The following POM121 variants were observed in gnomAD, a reference collection of about 807,000 sequenced individuals.
POM121 encodes the protein POM121 transmembrane nucleoporin.
POM121 carries 32 observed loss-of-function variants against 81.3 expected under a neutral mutation model. The ratio of observed to expected loss-of-function variants is 0.39; its 90% CI spans 0.30 to 0.53. The LOEUF (loss-of-function observed/expected upper bound fraction) is 0.53. Among genes scored for constraint, POM121 ranks in the 20% least tolerant of loss-of-function variants. The pLI is 0.66. For synonymous variants in POM121, 514 were observed against 694.2 expected (o/e 0.74, Z 4.08); for missense variants, 1,138 against 1,614.6 (o/e 0.70, Z 5.06).
At chr7:72,888,009 C>G (rs1304872216) in intron 1 of POM121, among the ~76,000 whole-genome samples, 2 of 152,242 alleles carry the variant, frequency 1.3e-5, no homozygotes, top group Admixed American at 6.5e-5. Context: ...ATGTCTCTGT[C>G]TATATGTTTT....
intron 1 of POM121, among the ~76,000 whole-genome samples, chr7:72,881,105 C>A (rs1368360590): frequency 7.1e-6 from 1 of 140,386 alleles, no homozygotes; most frequent in African/African-American, 2.6e-5. Context: ...GTGTCTCTCA[C>A]CCAGTCTGGA....
At chr7:72,929,694 T>C (rs1324082000) in intron 4 of POM121, among the ~76,000 whole-genome samples, 2 of 152,178 alleles carry the variant, frequency 1.3e-5, no homozygotes, top group Non-Finnish European at 2.9e-5. Context: ...TGATCTGTCT[T>C]CTGTCACTGT....
At chr7:72,898,195 G>A (rs538709678) in intron 3 of POM121, among the ~76,000 whole-genome samples, 2 of 152,144 alleles carry the variant, frequency 1.3e-5, no homozygotes, top group South Asian at 4.1e-4. Context: ...GTGGGAGAGT[G>A]CGAAATTGGG....
chr7:72,888,399 G>A (rs191386500), intron 1 of POM121, among the ~76,000 whole-genome samples: 9 of 152,110 alleles, frequency 5.9e-5, no homozygotes, highest in African/African-American at 1.9e-4. Context: ...TAGTAGAGAT[G>A]GGGTTTCACC....
At chr7:72,912,592 T>G (rs1360594833) in intron 3 of POM121, among the ~76,000 whole-genome samples, 1 of 152,082 alleles carries the variant, frequency 6.6e-6, no homozygotes, top group African/African-American at 2.4e-5. Context: ...CTGGCCAACA[T>G]GGTGAAACCC....
chr7:72,914,387 G>A (rs1183237329), intron 4 of POM121, among the ~76,000 whole-genome samples: 1 of 115,118 alleles, frequency 8.7e-6, no homozygotes, highest in Non-Finnish European at 2.0e-5. Context: ...AATCCCGGAT[G>A]ATAATGATTG....
rs533479712 is a variant in POM121, at chr7:72,925,331, C to T, written c.210C>T (p.Ser70=). The change falls in exon 1 of 13, where the codon AGC becomes AGT. Residue 70 remains serine, a synonymous_variant. Transcript: ENST00000434423. ...VGATAAWWGL[S]REPRGSRPLS... Reference sequence around the variant, plus strand: ...CTACCGCGGCCTGGTGGGGACTGAGCCGCGAGCCCCGAGGTTCGCGCCCCT... The same window carrying T: ...CTACCGCGGCCTGGTGGGGACTGAGTCGCGAGCCCCGAGGTTCGCGCCCCT... The T allele has an allele frequency of 6.5e-7, 1 of 1,534,340 alleles. No individual in the cohort carries two copies. Among genetic ancestry groups the T allele is most frequent in the East Asian group, 2.4e-5 (1 of 40,876 alleles).
rs1797829679 is a variant in POM121, at chr7:72,948,219, G to C, written c.*1985G>C. The C allele has an allele frequency of 1.4e-6, 2 of 1,447,886 alleles. No homozygotes were observed. The highest frequency in any genetic ancestry group is 9.0e-7 in the Non-Finnish European group (1 of 1,105,352). 89.7% of individuals were successfully genotyped at this position (1,447,886 alleles called of 1,614,324 possible). On this transcript the variant is annotated 3_prime_UTR_variant, in exon 13 of 13. Coordinates refer to ENST00000434423, the MANE Select transcript of POM121 (RefSeq NM_001387691.1). ...CAAATAGAGACTTCATTCCTGTTGA[G>C]TCTAGTTGGAATTTTTAGTATGAAT...
At position 72,926,328 on chromosome 7, in the gene POM121, C is replaced by T; in HGVS notation, c.711C>T (p.Ala237=). 1 of 1,610,852 alleles carries T rather than the reference C, an allele frequency of 6.2e-7. No homozygotes were observed. The highest frequency in any genetic ancestry group is 8.5e-7 in the Non-Finnish European group (1 of 1,178,278). The change falls in exon 2 of 13, where the codon GCC becomes GCT. Residue 237 remains alanine (A), a synonymous_variant. Transcript: ENST00000434423. ...GAAGACGCTATCCGATCCATCAGGC[C>T]CAGTATTCCTGTCTGGGGGTACTTC... ...TPRRRYPIHQ[A]QYSCLGVLPT...
At chr7:72,887,782 GTGCCA>G (rs1790879873) in intron 1 of POM121, among the ~76,000 whole-genome samples, 1 of 152,146 alleles carries the variant, frequency 6.6e-6, no homozygotes, top group Non-Finnish European at 1.5e-5. Flanking sequence ...AGCCGAGATT[GTGCCA>G]TTGCACTCCA....
At chr7:72,928,995 C>T (rs1333059579) in intron 4 of POM121, among the ~76,000 whole-genome samples, 1 of 152,180 alleles carries the variant, frequency 6.6e-6, no homozygotes, top group East Asian at 1.9e-4. Flanking sequence ...TCCTGCCTTC[C>T]GTAGTTCTGC....
rs1292789101 is a variant in POM121, at chr7:72,925,773, G to A, written c.644+8G>A. On this transcript the variant is annotated splice_region_variant and intron_variant, in intron 1 of 12. Transcript: ENST00000434423. ...CAGGAGGCCTTCCCCACGGTAAGATGCGCTGATTTTGTCAGATCATCCTCT... is the reference window on the plus strand; with the variant it reads ...CAGGAGGCCTTCCCCACGGTAAGATACGCTGATTTTGTCAGATCATCCTCT... 1 of 1,284,074 alleles carries A rather than the reference G, an allele frequency of 7.8e-7. No individual in the cohort carries two copies. The highest frequency in any genetic ancestry group is 9.8e-7 in the Non-Finnish European group (1 of 1,015,898). The allele number at this position is 1,284,074 out of a possible 1,614,324, so 79.5% of individuals were successfully genotyped here. A position where few individuals can be genotyped will look rare whatever the true frequency, so the allele number is the denominator to read the frequency against.
intron 11 of POM121, among the ~76,000 whole-genome samples, chr7:72,944,338 T>C (rs1346073817): frequency 6.6e-6 from 1 of 152,028 alleles, no homozygotes; most frequent in African/African-American, 2.4e-5. Flanking sequence ...AAGATGAATG[T>C]AGATCCCATG....
chr7:72,926,397 C>G lies in POM121; in HGVS notation c.780C>G (p.Ser260=), dbSNP rs1427325474. 2.5e-6 allele frequency: 4 copies of G among 1,613,832 alleles called. No homozygotes were observed. In the Admixed American group the frequency reaches 6.7e-5, roughly 27 times the overall value. The change falls in exon 2 of 13, where the codon TCC becomes TCG. Residue 260 remains serine (S), a synonymous_variant. Transcript: ENST00000434423. ...WNGYHKKAVL[S]PRNSRMVCSP... ...GTTATCACAAGAAGGCTGTGCTGTCCCCTCGCAACTCCAGGATGGTGTGTA... is the reference window on the plus strand; with the variant it reads ...GTTATCACAAGAAGGCTGTGCTGTCGCCTCGCAACTCCAGGATGGTGTGTA...
At chr7:72,894,008 AC>A (rs777963094) in intron 3 of POM121, among the ~76,000 whole-genome samples, 94 of 152,138 alleles carry the variant, frequency 6.2e-4, no homozygotes, top group Admixed American at 1.2e-3. Context: ...ATGATGGCTC[AC>A]ACCTGTAATC....
rs183122424 is a variant in POM121, at chr7:72,899,780, T to G, written c.-216+8670T>G. 6.8e-3 allele frequency among the ~76,000 whole-genome samples: 1,034 copies of G among 151,980 alleles called. 14 individuals carry two copies. Among genetic ancestry groups the G allele is most frequent in the African/African-American group, 0.024 (1,007 of 41,478 alleles). Reference sequence around the variant, plus strand: ...ATTTTTAGTAGAGATGGGGTTTCACTGTGTTAGCCAGGATGGTCTCAATCT... The same window carrying G: ...ATTTTTAGTAGAGATGGGGTTTCACGGTGTTAGCCAGGATGGTCTCAATCT... On this transcript the variant is annotated intron_variant, in intron 3 of 15. Transcript: ENST00000395270.
At chr7:72,909,135 C>A (rs1374950622) in intron 3 of POM121, among the ~76,000 whole-genome samples, 4 of 152,188 alleles carry the variant, frequency 2.6e-5, no homozygotes, top group Non-Finnish European at 5.9e-5. Context: ...ATGAAATCTT[C>A]ACAATTTATG....
chr7:72,946,589 C>A lies in POM121; in HGVS notation c.*355C>A, dbSNP rs561073054. On this transcript the variant is annotated 3_prime_UTR_variant, in exon 13 of 13. Coordinates refer to ENST00000434423, the MANE Select transcript of POM121 (RefSeq NM_001387691.1). ...TTCCACCTTTCCCCGAGACCGTCGT[C>A]GCTGGAGGGGGCAGGGTCCAGCCCG... 4 of 1,037,840 alleles carry A rather than the reference C, an allele frequency of 3.9e-6. No individual in the cohort carries two copies. The highest frequency in any genetic ancestry group is 4.0e-5 in the South Asian group (1 of 24,978). The allele number at this position is 1,037,840 out of a possible 1,614,324, so 64.3% of individuals were successfully genotyped here.
In POM121 at chr7:72,940,964, A is replaced by C; in HGVS notation, c.1814A>C (p.Gln605Pro). 1 of 1,592,026 alleles carries C rather than the reference A, an allele frequency of 6.3e-7. No homozygotes were observed. Among genetic ancestry groups the C allele is most frequent in the Non-Finnish European group, 8.5e-7 (1 of 1,174,200 alleles). The change falls in exon 10 of 13, where the codon CAG becomes CCG. Residue 605 changes from glutamine (Q) to proline (P), a missense_variant. Coordinates refer to ENST00000434423, the MANE Select transcript of POM121 (RefSeq NM_001387691.1). ...NPLLESLKKM[Q>P]TPPSLPPCPE... is the part of the protein sequence containing the mutation. ...CTGTTAGAGAGCTTGAAGAAGATGC[A>C]GACTCCCCCGAGCCTGCCACCCTGC...
Sources: gnomAD v4.1 joint callset for allele counts (sites outside exome capture counted in the v4.1 genomes callset) on GRCh38, gnomAD v4.1.1 for gene constraint, MANE v1.5 for transcripts, NCBI Gene and HGNC (gene_info 2026-07-23, HGNC 2026-07-21) for gene names.